The following KRT20 variants were observed in gnomAD, a reference collection of about 807,000 sequenced individuals.
KRT20 encodes keratin 20.
A neutral mutation model predicts 43.0 loss-of-function variants in KRT20; 41 were observed. The observed-to-expected ratio is 0.95, with a 90% confidence interval of 0.74 to 1.24. KRT20 has a LOEUF of 1.24. KRT20 is among the 50% of genes most tolerant of loss of function. The pLI, the probability that KRT20 is intolerant of heterozygous loss-of-function variation, is 0.00. For synonymous variants in KRT20, 207 were observed against 200.6 expected (o/e 1.03, Z -0.27); for missense variants, 533 against 521.2 (o/e 1.02, Z -0.22).
At position 40,875,893 on chromosome 17, in the gene KRT20, G is replaced by C. The variant is rs1907326847; in HGVS notation, c.*468C>G. ...CTGAAAAATCAATAAGATTAACCCA[G>C]AAATTGGCTCAATAAGAAACCAGGG... is the stretch of plus-strand genomic sequence containing the variant. On this transcript the variant is annotated 3_prime_UTR_variant, in exon 8 of 8. Coordinates refer to ENST00000167588, the MANE Select transcript of KRT20 (RefSeq NM_019010.3). The C allele has an allele frequency of 6.5e-6, 1 of 152,866 alleles. No homozygotes were observed. The highest frequency in any genetic ancestry group is 1.5e-5 in the Non-Finnish European group (1 of 68,502). The allele number at this position is 152,866 out of a possible 1,614,324, so 9.5% of individuals were successfully genotyped here.
chr17:40,884,017 G>A (rs1050771891), intron 1 of KRT20, among the ~76,000 whole-genome samples: 1 of 152,052 alleles, frequency 6.6e-6, no homozygotes, highest in Non-Finnish European at 1.5e-5. Context: ...TTCTTAATTA[G>A]ATAAGAACTT....
rs761120022 is a variant in KRT20 at position 40,880,224 on chromosome 17, A to G, written c.668T>C (p.Val223Ala). 30 of 1,613,568 alleles carry G rather than the reference A, an allele frequency of 1.9e-5. No individual in the cohort carries two copies. Among genetic ancestry groups the G allele is most frequent in the Non-Finnish European group, 2.5e-5 (30 of 1,179,792 alleles). Residue 223 changes from valine (V) to alanine (A), a missense_variant, in exon 4 of 8, where the codon GTC becomes GCC. Coordinates refer to ENST00000167588, the MANE Select transcript of KRT20 (RefSeq NM_019010.3). ...DGLHKHLGNT[V>A]NVEVDAAPGL... ...TGGAGCAGCATCAACCTCCACATTG[A>G]CAGTGTTGCCCAGATGCTTGTGTAG...
chr17:40,885,074 C>A lies in KRT20; in HGVS notation c.112G>T (p.Gly38Cys). ...ATGCGGATGCCCCGGCCTCCAGCAC[C>A]CCCATAAACGCTGGGTGTCGTCCCG... Reference protein sequence around the residue: ...RLGTTPSVYGGAGGRGIRISN... With the variant: ...RLGTTPSVYGCAGGRGIRISN... Residue 38 changes from glycine to cysteine, a missense_variant, in exon 1 of 8, where the codon GGT becomes TGT. Gly to Cys is a radical substitution (Grantham distance 159, BLOSUM62 -3). Coordinates refer to ENST00000167588, the MANE Select transcript of KRT20 (RefSeq NM_019010.3). The A allele has an allele frequency of 6.2e-7, 1 of 1,614,118 alleles. No homozygotes were observed. The highest frequency in any genetic ancestry group is 8.5e-7 in the Non-Finnish European group (1 of 1,180,030).
rs376660262 is a variant in KRT20, at chr17:40,877,353, G to T, written c.1177+27C>A. On this transcript the variant is annotated intron_variant, in intron 7 of 7. Transcript: ENST00000167588. Reference sequence around the variant, plus strand: ...TAATAGAAAGCAGCTGAATGTCATAGAAAATGTGCAAAAATTTAGAACTTA... The same window carrying T: ...TAATAGAAAGCAGCTGAATGTCATATAAAATGTGCAAAAATTTAGAACTTA... 2.3e-4 allele frequency: 341 copies of T among 1,509,992 alleles called. 4 individuals are homozygous for T. In the South Asian group the frequency reaches 3.7e-3, roughly 17 times the overall value. The allele number at this position is 1,509,992 out of a possible 1,614,324, so 93.5% of individuals were successfully genotyped here.
At chr17:40,879,740 T>C in intron 5 of KRT20, 73 bp downstream of exon 5, 1 of 1,548,634 alleles carries the variant, frequency 6.5e-7, no homozygotes, top group South Asian at 1.1e-5. Flanking sequence ...GGTCTTTGCA[T>C]TTCTATAGTT....
chr17:40,881,780 G>A (rs374785524), intron 2 of KRT20, among the ~76,000 whole-genome samples: 1 of 152,162 alleles, frequency 6.6e-6, no homozygotes, highest in African/African-American at 2.4e-5. Context: ...CCTTAGTGTG[G>A]AAGCTGTTTG....
Position 40,878,362 on chromosome 17 carries a change from C to G in KRT20, c.922G>C (p.Glu308Gln). 6.2e-7 allele frequency: 1 copy of G among 1,611,732 alleles called. No individual in the cohort carries two copies. Among genetic ancestry groups the G allele is most frequent in the South Asian group, 1.1e-5 (1 of 90,946 alleles). ...IELQSHLSMK[E>Q]SLEHTLEETK... is the part of the protein sequence containing the mutation. ...TCCTCTAGAGTGTGCTCCAAAGACTCTTTCTATGAGCACAAGAAAAATAGG... is the reference window on the plus strand; with the variant it reads ...TCCTCTAGAGTGTGCTCCAAAGACTGTTTCTATGAGCACAAGAAAAATAGG... The change falls in exon 6 of 8, where the codon GAG (glutamate) becomes CAG (glutamine). Residue 308 changes from glutamate (E) to glutamine (Q), a missense_variant. Transcript: ENST00000167588.
At chr17:40,876,731 T>C (rs7221765) in intron 7 of KRT20, among the ~76,000 whole-genome samples, 20,186 of 152,126 alleles carry the variant, frequency 0.13, 1,945 homozygotes, top group East Asian at 0.41. Context: ...TGTTTTTCCT[T>C]TTCAGGATGT....
In KRT20 at chr17:40,880,722, T is replaced by A; in HGVS notation, c.522A>T (p.Gln174His). 6.3e-7 allele frequency: 1 copy of A among 1,597,156 alleles called. No homozygotes were observed. Reference protein sequence around the residue: ...GIRLTVEADLQGLNKVFDDLT... With the variant: ...GIRLTVEADLHGLNKVFDDLT... ...GGTCATCAAAGACCTTATTCAGGCC[T>A]TGGAGATCAGCTTCCACTGTTAGAC... The change falls in exon 3 of 8, where the codon CAA becomes CAT. Residue 174 changes from glutamine (Q) to histidine (H), a missense_variant. Gln to His is a conservative substitution (Grantham distance 24). Transcript: ENST00000167588.
chr17:40,880,112 C>A lies in KRT20; in HGVS notation c.780G>T (p.Gln260His). 1 of 1,613,118 alleles carries A rather than the reference C, an allele frequency of 6.2e-7. No individual in the cohort carries two copies. Among genetic ancestry groups the A allele is most frequent in the Admixed American group, 1.7e-5 (1 of 59,868 alleles). ...ATTGTGTGGTTACCTGTCTCTCAAA[C>A]TGTTCTTTGGCCTCTTGAAGGTTCT... ...AQKNLQEAKE[Q>H]FERQTAVLQQ... Residue 260 changes from glutamine (Q) to histidine (H), a missense_variant, in exon 4 of 8, where the codon CAG (glutamine) becomes CAT (histidine). By Grantham distance (24) the Gln-to-His change is conservative. Transcript: ENST00000167588.
rs1383907227 is a variant in KRT20 at position 40,876,462 on chromosome 17, A to C, written c.1178-4T>G. The C allele has an allele frequency of 6.4e-7, 1 of 1,553,526 alleles. No homozygotes were observed. The highest frequency in any genetic ancestry group is 1.7e-5 in the Admixed American group (1 of 59,912). On this transcript the variant is annotated splice_region_variant and splice_polypyrimidine_tract_variant and intron_variant, in intron 7 of 7. Transcript: ENST00000167588. ...ATCTTCCTGGTTTTCTTTATATCTG[A>C]ATTCATATTAAACATTAAATGTTAA... is the stretch of plus-strand genomic sequence containing the variant.
chr17:40,881,982 C>T (rs1208245223), intron 2 of KRT20, among the ~76,000 whole-genome samples: 2 of 151,638 alleles, frequency 1.3e-5, no homozygotes, highest in Non-Finnish European at 2.9e-5. Flanking sequence ...AAGCGATTCT[C>T]CTGCCTCAGC....
rs778445618 is a variant in KRT20, at chr17:40,884,867, C to T, written c.319G>A (p.Glu107Lys). ...KLEVQIKQWY[E>K]TNAPRAGRDY... is the part of the protein sequence containing the mutation. ...CGACCAGCCCTCGGGGCGTTGGTTTCGTACCACTGCTTGATTTGCACTTCA... is the reference window on the plus strand; with the variant it reads ...CGACCAGCCCTCGGGGCGTTGGTTTTGTACCACTGCTTGATTTGCACTTCA... The change falls in exon 1 of 8, where the codon GAA becomes AAA. Residue 107 changes from glutamate to lysine, a missense_variant. By Grantham distance (56) the Glu-to-Lys change is moderately conservative. Coordinates refer to ENST00000167588, the MANE Select transcript of KRT20 (RefSeq NM_019010.3). 4.3e-6 allele frequency: 7 copies of T among 1,614,092 alleles called. No homozygotes were observed. The highest frequency in any genetic ancestry group is 3.3e-5 in the Admixed American group (2 of 60,004).
rs773221361 is a variant in KRT20 at position 40,884,830 on chromosome 17, G to A, written c.356C>T (p.Ala119Val). The A allele has an allele frequency of 8.7e-6, 14 of 1,614,142 alleles. No homozygotes were observed. The highest frequency in any genetic ancestry group is 1.0e-5 in the Non-Finnish European group (12 of 1,180,028). The part of the protein sequence containing the change: ...NAPRAGRDYS[A>V]YYRQIEELRS... ...CAGCTCTTCAATTTGTCTGTAATATGCACTGTAGTCGCGACCAGCCCTCGG... is the reference window on the plus strand; with the variant it reads ...CAGCTCTTCAATTTGTCTGTAATATACACTGTAGTCGCGACCAGCCCTCGG... Residue 119 changes from alanine to valine, a missense_variant, in exon 1 of 8, where the codon GCA becomes GTA. Coordinates refer to ENST00000167588, the MANE Select transcript of KRT20 (RefSeq NM_019010.3).
At position 40,885,222 on chromosome 17, in the gene KRT20, T is replaced by C; in HGVS notation, c.-37A>G. 3.2e-6 allele frequency: 5 copies of C among 1,546,450 alleles called. No individual in the cohort carries two copies. In the African/African-American group the frequency reaches 4.1e-5, roughly 13 times the overall value. On this transcript the variant is annotated 5_prime_UTR_variant, in exon 1 of 8. Transcript: ENST00000167588. Reference sequence around the variant, plus strand: ...GGAGGGAGCACCTGTAGCTTCAGGATGGTTGGGGCAGAGTGTGTCTCATGG... The same window carrying C: ...GGAGGGAGCACCTGTAGCTTCAGGACGGTTGGGGCAGAGTGTGTCTCATGG...
intron 5 of KRT20, among the ~76,000 whole-genome samples, chr17:40,879,556 C>T (rs1212748729): frequency 1.3e-5 from 2 of 152,004 alleles, no homozygotes; most frequent in Non-Finnish European, 2.9e-5. Flanking sequence ...TTAAAAGTTA[C>T]AAGAAGATCT....
At position 40,876,034 on chromosome 17, in the gene KRT20, AT is replaced by A. The variant is rs1907333275; in HGVS notation, c.*326del. On this transcript the variant is annotated 3_prime_UTR_variant, in exon 8 of 8. Transcript: ENST00000167588. ...TTTAGTATAATTGAAATGTATTGCAATTTTCAGGAACATTACCTACAAATTG... is the reference window on the plus strand; with the variant it reads ...TTTAGTATAATTGAAATGTATTGCAATTTCAGGAACATTACCTACAAATTG... 4.9e-6 allele frequency: 1 copy of A among 203,638 alleles called. No homozygotes were observed. The allele number at this position is 203,638 out of a possible 1,614,324, so 12.6% of individuals were successfully genotyped here.
Position 40,879,807 on chromosome 17 carries a change from C to A in KRT20, c.918+6G>T. The A allele has an allele frequency of 6.2e-7, 1 of 1,612,598 alleles. No individual in the cohort carries two copies. Among genetic ancestry groups the A allele is most frequent in the Non-Finnish European group, 8.5e-7 (1 of 1,179,786 alleles). ...GATTGAGAAAGAGAAGTTAGATATG[C>A]TTTACCATGCTGAGATGGGACTGGA... is the stretch of plus-strand genomic sequence containing the variant. On this transcript the variant is annotated splice_donor_region_variant and intron_variant, in intron 5 of 7. Coordinates refer to ENST00000167588, the MANE Select transcript of KRT20 (RefSeq NM_019010.3).
chr17:40,882,626 C>A lies in KRT20; in HGVS notation c.419G>T (p.Arg140Leu). The change falls in exon 2 of 8, where the codon CGG (arginine) becomes CTG (leucine). Residue 140 changes from arginine (R) to leucine (L), a missense_variant. Coordinates refer to ENST00000167588, the MANE Select transcript of KRT20 (RefSeq NM_019010.3). ...QIKDAQLQNARCVLQIDNAKL... is the reference protein window; with the variant it reads ...QIKDAQLQNALCVLQIDNAKL... ...AGCATTATCAATTTGCAGGACACAC[C>A]GAGCATTTTGCAGTTGAGCATCCTT... 1.3e-6 allele frequency: 2 copies of A among 1,552,406 alleles called. No homozygotes were observed. Among genetic ancestry groups the A allele is most frequent in the Non-Finnish European group, 1.7e-6 (2 of 1,146,246 alleles).
Sources: gnomAD v4.1 joint callset for allele counts (sites outside exome capture counted in the v4.1 genomes callset) on GRCh38, gnomAD v4.1.1 for gene constraint, MANE v1.5 for transcripts, NCBI Gene and HGNC (gene_info 2026-07-23, HGNC 2026-07-21) for gene names.